Variants in CFAP61 observed in about 807,000 individuals in gnomAD.
CFAP61 encodes cilia and flagella associated protein 61.
Under a neutral mutation model 135.6 loss-of-function variants are expected in CFAP61, and 107 were observed. The observed-to-expected ratio is 0.79, with a 90% CI of 0.67 to 0.93. The LOEUF (loss-of-function observed/expected upper bound fraction) is 0.93. Among genes scored for constraint, CFAP61 ranks in the 40% least tolerant of loss-of-function variants. CFAP61 has a pLI of 0.00. For missense variants in CFAP61, 1,507 were observed against 1,556.2 expected (o/e 0.97, Z 0.53); for synonymous variants, 575 against 578.5 (o/e 0.99, Z 0.09).
At position 20,327,777 on chromosome 20, in the gene CFAP61, C is replaced by CAAAAAAAAAAAAAAAAAAAAAAAAAA. The variant is rs60171844; in HGVS notation, c.3423-14051_3423-14026dup. Reference sequence around the variant, plus strand: ...CCTGGGCAACAGAGCAAGAGCCTGTCAAAAAAAAAAAAAAAAAAAAAAAAA... The same window carrying CAAAAAAAAAAAAAAAAAAAAAAAAAA: ...CCTGGGCAACAGAGCAAGAGCCTGTCAAAAAAAAAAAAAAAAAAAAAAAAAAAAAAAAAAAAAAAAAAAAAAAAAAA... On this transcript the variant is annotated intron_variant, in intron 25 of 26. Coordinates refer to ENST00000245957, the MANE Select transcript of CFAP61 (RefSeq NM_015585.4). Among the ~76,000 whole-genome samples, 11 of 60,354 alleles carry CAAAAAAAAAAAAAAAAAAAAAAAAAA rather than the reference C, an allele frequency of 1.8e-4. 1 individual carries two copies. Among genetic ancestry groups the CAAAAAAAAAAAAAAAAAAAAAAAAAA allele is most frequent in the African/African-American group, 5.1e-4 (8 of 15,792 alleles). The allele number at this position is 60,354 out of a possible 152,430, so 39.6% of individuals were successfully genotyped here.
intron 6 of CFAP61, chr20:20,085,221 A>G (rs2046712159): frequency 3.0e-6 from 3 of 985,280 alleles, no homozygotes; most frequent in African/African-American, 1.7e-5. Context: ...CCTGACTTTG[A>G]CAGGCAGCGC....
intron 26 of CFAP61, among the ~76,000 whole-genome samples, chr20:20,347,226 C>T (rs189804957): frequency 6.6e-6 from 1 of 152,136 alleles, no homozygotes; most frequent in African/African-American, 2.4e-5. Context: ...TACAACATAC[C>T]AACATTTATG....
intron 25 of CFAP61, among the ~76,000 whole-genome samples, chr20:20,337,504 GGATAAA>G (rs2058261949): frequency 9.3e-6 from 1 of 107,164 alleles, no homozygotes; most frequent in East Asian, 2.9e-4. Flanking sequence ...ATGGGTGGAT[GGATAAA>G]TGGATGGATG....
At chr20:20,348,974 T>G (rs1257784757) in intron 26 of CFAP61, among the ~76,000 whole-genome samples, 1 of 152,112 alleles carries the variant, frequency 6.6e-6, no homozygotes, top group Non-Finnish European at 1.5e-5. Flanking sequence ...ATATTCAGCA[T>G]GGTTTTGGAA....
intron 13 of CFAP61, among the ~76,000 whole-genome samples, chr20:20,170,065 G>C (rs1249470534): frequency 1.3e-5 from 2 of 152,228 alleles, no homozygotes; most frequent in African/African-American, 4.8e-5. Flanking sequence ...TGGACACACA[G>C]AGTGTAAAAC....
intron 2 of CFAP61, among the ~76,000 whole-genome samples, chr20:20,063,173 C>T (rs1178908516): frequency 6.6e-6 from 1 of 151,922 alleles, no homozygotes; most frequent in Non-Finnish European, 1.5e-5. Context: ...TTGGGTATGT[C>T]CCAAATAAAT....
At position 20,181,984 on chromosome 20, in the gene CFAP61, G is replaced by C. The variant is rs1601233650; in HGVS notation, c.1386-5946G>C. On this transcript the variant is annotated intron_variant, in intron 13 of 26. Coordinates refer to ENST00000245957, the MANE Select transcript of CFAP61 (RefSeq NM_015585.4). ...GAAAACTTGCAGAGAGATGAAAGTA[G>C]GGCCACGTTTAGGTGCATCCAATGA... Among the ~76,000 whole-genome samples, 4 of 152,180 alleles carry C rather than the reference G, an allele frequency of 2.6e-5. No individual in the cohort carries two copies. The South Asian group carries it at 6.2e-4, about 24-fold the overall frequency.
intron 25 of CFAP61, among the ~76,000 whole-genome samples, chr20:20,332,926 A>T (rs781679456): frequency 7.2e-5 from 11 of 152,196 alleles, no homozygotes; most frequent in Non-Finnish European, 1.5e-4. Context: ...CCATTTCCAC[A>T]TAATTCTTTA....
At chr20:20,056,556 T>C in intron 1 of CFAP61, 62 bp from the exon 2 acceptor site, 11 of 1,135,158 alleles carry the variant, frequency 9.7e-6, no homozygotes, top group Non-Finnish European at 1.3e-5. Context: ...ACATGGAAAT[T>C]GAATTAGTGT....
At position 20,360,572 on chromosome 20, in the gene CFAP61, A is replaced by G. The variant is rs962796255; in HGVS notation, c.*162A>G. ...CCCTGACTTATGCCTGTAGTTTTCT[A>G]TCATCCCAGTAGGTGGCACACGGCC... On this transcript the variant is annotated 3_prime_UTR_variant, in exon 27 of 27. Transcript: ENST00000245957. The G allele has an allele frequency of 3.2e-5, 20 of 633,294 alleles. No homozygotes were observed. Among genetic ancestry groups the G allele is most frequent in the East Asian group, 2.7e-5 (1 of 36,670 alleles). 39.2% of individuals were successfully genotyped at this position (633,294 alleles called of 1,614,324 possible).
At position 20,159,269 on chromosome 20, in the gene CFAP61, G is replaced by A. The variant is rs961306029; in HGVS notation, c.952-101G>A. On this transcript the variant is annotated intron_variant, in intron 9 of 26. Coordinates refer to ENST00000245957, the MANE Select transcript of CFAP61 (RefSeq NM_015585.4). ...CCCAATGCCACAAGGCCAGTAAGCT[G>A]TAGAGCCAGGGTCTGAACCCTGGCA... The A allele has an allele frequency of 6.6e-6, 7 of 1,062,620 alleles. No homozygotes were observed. In the African/African-American group the frequency reaches 7.9e-5, roughly 12 times the overall value. 65.8% of individuals were successfully genotyped at this position (1,062,620 alleles called of 1,614,324 possible).
At chr20:20,142,835 T>G in intron 8 of CFAP61, 22 bp from the exon 9 acceptor site, 1 of 1,400,706 alleles carries the variant, frequency 7.1e-7, no homozygotes, top group Non-Finnish European at 1.0e-6. Context: ...TTTCTGTCAT[T>G]ATTCTATCCC....
At chr20:20,106,228 C>G (rs1293497850) in intron 8 of CFAP61, among the ~76,000 whole-genome samples, 1 of 151,812 alleles carries the variant, frequency 6.6e-6, no homozygotes, top group East Asian at 1.9e-4. Context: ...GACTGTAATC[C>G]AGACCTGAAG....
intron 25 of CFAP61, among the ~76,000 whole-genome samples, chr20:20,310,985 G>A (rs1465823647): frequency 1.3e-5 from 2 of 152,188 alleles, no homozygotes; most frequent in African/African-American, 4.8e-5. Flanking sequence ...GTCCTGCACA[G>A]GGCTGTCTCT....
chr20:20,251,739 C>T lies in CFAP61; in HGVS notation c.2304C>T (p.Ile768=), dbSNP rs2050932296. 7.4e-6 allele frequency: 12 copies of T among 1,613,880 alleles called. No homozygotes were observed. Among genetic ancestry groups the T allele is most frequent in the Non-Finnish European group, 1.0e-5 (12 of 1,180,042 alleles). Residue 768 remains isoleucine, a synonymous_variant, in exon 20 of 27, where the codon ATC becomes ATT. Coordinates refer to ENST00000245957, the MANE Select transcript of CFAP61 (RefSeq NM_015585.4). ...AGATCGTGCCCTACGACCACCTCAT[C>T]CTCTGCACCGGGCAGCAGTACCAGG... ...TDEIVPYDHL[I]LCTGQQYQVP... is the part of the protein sequence containing the mutation.
chr20:20,060,324 T>C (rs544272842), intron 2 of CFAP61, among the ~76,000 whole-genome samples: 2 of 152,238 alleles, frequency 1.3e-5, no homozygotes, highest in Admixed American at 6.5e-5. Flanking sequence ...TGGAGGAAAT[T>C]CCTCAGAATA....
intron 25 of CFAP61, among the ~76,000 whole-genome samples, chr20:20,315,348 T>C (rs1165337133): frequency 6.6e-6 from 1 of 151,614 alleles, no homozygotes; most frequent in East Asian, 1.9e-4. Context: ...TTGAGAAGTG[T>C]CTGTTCATAT....
At chr20:20,342,172 T>A (rs1306503977) in intron 26 of CFAP61, among the ~76,000 whole-genome samples, 1 of 152,238 alleles carries the variant, frequency 6.6e-6, no homozygotes, top group Non-Finnish European at 1.5e-5. Flanking sequence ...ATTTTTCTGA[T>A]CAGCTCAGAG....
intron 26 of CFAP61, among the ~76,000 whole-genome samples, chr20:20,352,411 G>C (rs765789954): frequency 6.6e-6 from 1 of 152,058 alleles, no homozygotes; most frequent in Non-Finnish European, 1.5e-5. Flanking sequence ...AGACACGTGG[G>C]GATTACAAAT....
Sources: gnomAD v4.1 joint callset for allele counts (sites outside exome capture counted in the v4.1 genomes callset) on GRCh38, gnomAD v4.1.1 for gene constraint, MANE v1.5 for transcripts, NCBI Gene and HGNC (gene_info 2026-07-23, HGNC 2026-07-21) for gene names.